TENM3: variants seen among roughly 807,000 people sequenced by gnomAD.
TENM3 encodes the protein teneurin-3.
TENM3 carries 63 observed loss-of-function variants against 255.1 expected under a neutral mutation model. That is an observed-to-expected ratio of 0.25 (90% CI 0.20 to 0.30). The LOEUF (loss-of-function observed/expected upper bound fraction) is 0.30, where lower values mean the gene tolerates loss of function less well. Ranked by LOEUF, TENM3 falls within the 10% of genes least tolerant of loss-of-function variation. TENM3 has a pLI of 1.00. For missense variants in TENM3, 2,929 were observed against 3,461.1 expected, an observed-to-expected ratio of 0.85 and a Z score of 3.86; for synonymous variants, 1,306 against 1,322.3, an observed-to-expected ratio of 0.99 and a Z score of 0.27.
At chr4:182,044,709 A>G in the TENM3 span, among the ~76,000 whole-genome samples, 6 of 152,108 alleles carry the variant, frequency 3.9e-5, no homozygotes, top group Admixed American at 3.9e-4. Context: ...AGTAAGCTCC[A>G]CCCTTTCCCG....
At chr4:181,450,607 A>T in the TENM3 span, among the ~76,000 whole-genome samples, 1 of 152,158 alleles carries the variant, frequency 6.6e-6, no homozygotes, top group Non-Finnish European at 1.5e-5. Context: ...TCAGAATGCG[A>T]CCTGACTTGT....
rs1429580202 is a variant in TENM3, at chr4:182,290,383, C to A, written c.-75-33563C>A. On this transcript the variant is annotated intron_variant, in intron 1 of 27. Coordinates refer to ENST00000511685, the MANE Select transcript of TENM3 (RefSeq NM_001080477.4). ...GCTTGTATTTTGCACGTTCTTGGGA[C>A]AACTCTGCCACCAATTTATCTCTAC... 3.9e-5 allele frequency among the ~76,000 whole-genome samples: 6 copies of A among 152,326 alleles called. 2 individuals are homozygous for A. The highest frequency in any genetic ancestry group is 3.9e-4 in the Admixed American group (6 of 15,306).
At chr4:181,553,424 T>C in the TENM3 span, among the ~76,000 whole-genome samples, 1 of 151,808 alleles carries the variant, frequency 6.6e-6, no homozygotes, top group Admixed American at 6.6e-5. Context: ...CAATGGTGAA[T>C]GAGATAGAAG....
the TENM3 span, among the ~76,000 whole-genome samples, chr4:181,792,725 A>C: frequency 6.6e-6 from 1 of 152,286 alleles, no homozygotes; most frequent in East Asian, 1.9e-4. Context: ...CCACAGCAGC[A>C]ATGCAATACA....
At chr4:181,639,271 T>A in the TENM3 span, among the ~76,000 whole-genome samples, 12 of 152,156 alleles carry the variant, frequency 7.9e-5, no homozygotes, top group Non-Finnish European at 1.6e-4. Flanking sequence ...CATATTGACT[T>A]AAGAGATATT....
At chr4:181,690,145 G>A in the TENM3 span, among the ~76,000 whole-genome samples, 3 of 152,066 alleles carry the variant, frequency 2.0e-5, no homozygotes, top group African/African-American at 4.8e-5. Flanking sequence ...CTGTTCAAAG[G>A]ACTAAAATTC....
chr4:181,927,983 C>T, the TENM3 span, among the ~76,000 whole-genome samples: 1 of 152,158 alleles, frequency 6.6e-6, no homozygotes, highest in South Asian at 2.1e-4. Context: ...ATAGAATCAA[C>T]ATCAACAAAA....
intron 3 of TENM3, among the ~76,000 whole-genome samples, chr4:182,475,577 G>A (rs75493503): frequency 0.017 from 2,588 of 152,240 alleles, 30 homozygotes; most frequent in Middle Eastern, 0.034. Context: ...AAAGCATTTT[G>A]TAGCTCTTAA....
chr4:181,456,111 G>GTA, the TENM3 span, among the ~76,000 whole-genome samples: 8 of 104,242 alleles, frequency 7.7e-5, no homozygotes, highest in African/African-American at 3.5e-4. Flanking sequence ...GTGTGTGTGT[G>GTA]TGTATATATA....
intron 1 of TENM3, among the ~76,000 whole-genome samples, chr4:182,214,464 G>A (rs1202670384): frequency 6.6e-6 from 1 of 151,820 alleles, no homozygotes; most frequent in Non-Finnish European, 1.5e-5. Context: ...TATGTTTGTG[G>A]ATTTTCATAA....
the TENM3 span, among the ~76,000 whole-genome samples, chr4:181,770,456 C>G: frequency 1.6e-4 from 24 of 152,012 alleles, no homozygotes; most frequent in Admixed American, 1.6e-3. Context: ...GGGTGGATCA[C>G]GAGGTCAGGA....
the TENM3 span, among the ~76,000 whole-genome samples, chr4:182,101,354 G>T: frequency 6.8e-6 from 1 of 147,418 alleles, no homozygotes; most frequent in Non-Finnish European, 1.5e-5. Flanking sequence ...AAGGAAGAAA[G>T]GGAGGGAGGG....
intron 1 of TENM3, among the ~76,000 whole-genome samples, chr4:182,228,996 G>A (rs1579810836): frequency 6.6e-6 from 1 of 152,160 alleles, no homozygotes; most frequent in African/African-American, 2.4e-5. Flanking sequence ...AGGTTGGGCT[G>A]GTGGATGACA....
chr4:182,386,318 T>C (rs1181641876), intron 3 of TENM3, among the ~76,000 whole-genome samples: 1 of 152,232 alleles, frequency 6.6e-6, no homozygotes, highest in Non-Finnish European at 1.5e-5. Flanking sequence ...ACAAGAAGTT[T>C]TACCTTATAG....
chr4:182,575,032 C>G (rs1470274505), intron 3 of TENM3, among the ~76,000 whole-genome samples: 2 of 152,018 alleles, frequency 1.3e-5, no homozygotes, highest in Non-Finnish European at 2.9e-5. Context: ...AAGAAAAGCC[C>G]CTTATTACTG....
chr4:182,388,954 GC>G (rs1274994481), intron 3 of TENM3, among the ~76,000 whole-genome samples: 1 of 152,102 alleles, frequency 6.6e-6, no homozygotes, highest in Non-Finnish European at 1.5e-5. Context: ...CCTTTGCACT[GC>G]CAGCTTCTAG....
chr4:182,244,261 GT>G (rs1035754240), intron 1 of TENM3, among the ~76,000 whole-genome samples: 90 of 152,184 alleles, frequency 5.9e-4, no homozygotes, highest in African/African-American at 2.1e-3. Flanking sequence ...CCTCATTTGT[GT>G]TTTCTATTAA....
the TENM3 span, among the ~76,000 whole-genome samples, chr4:181,499,950 C>G: frequency 8.5e-5 from 13 of 152,154 alleles, no homozygotes; most frequent in African/African-American, 2.7e-4. Flanking sequence ...TTCTCAAACC[C>G]TTTCTTAATT....
intron 12 of TENM3, among the ~76,000 whole-genome samples, chr4:182,702,228 A>G (rs1309027194): frequency 6.6e-6 from 1 of 152,188 alleles, no homozygotes; most frequent in Admixed American, 6.5e-5. Flanking sequence ...TGTGAGAGAC[A>G]AGGAAGAAAA....
Sources: gnomAD v4.1 joint callset for allele counts (sites outside exome capture counted in the v4.1 genomes callset) on GRCh38, gnomAD v4.1.1 for gene constraint, MANE v1.5 for transcripts, NCBI Gene and HGNC (gene_info 2026-07-23, HGNC 2026-07-21) for gene names.